Variants in GRIK1 observed in about 807,000 individuals in gnomAD.
The protein encoded by GRIK1 is glutamate ionotropic receptor kainate type subunit 1.
GRIK1 carries 69 observed loss-of-function variants against 105.7 expected under a neutral mutation model. That is an observed-to-expected ratio of 0.65 (90% CI 0.54 to 0.80). The LOEUF (loss-of-function observed/expected upper bound fraction) is 0.80. GRIK1 is among the 30% of genes least tolerant of loss of function. GRIK1 has a pLI of 0.00. For synonymous variants in GRIK1, 438 were observed against 431.3 expected, an observed-to-expected ratio of 1.02 and a Z score of -0.19; for missense variants, 1,109 against 1,167.3, an observed-to-expected ratio of 0.95 and a Z score of 0.73.
intron 1 of GRIK1, among the ~76,000 whole-genome samples, chr21:29,802,806 T>G (rs550897975): frequency 1.3e-5 from 2 of 152,158 alleles, no homozygotes; most frequent in Admixed American, 1.3e-4. Flanking sequence ...ATAAAGTATA[T>G]ACTGACTTGT....
chr21:29,603,597 C>A (rs573782586), intron 7 of GRIK1, among the ~76,000 whole-genome samples: 1 of 152,300 alleles, frequency 6.6e-6, no homozygotes, highest in Admixed American at 6.5e-5. Flanking sequence ...TTGCATTCTC[C>A]TTTTTCTCCC....
At chr21:29,770,701 CATCTAAT>C (rs1320883353) in intron 1 of GRIK1, among the ~76,000 whole-genome samples, 6 of 152,224 alleles carry the variant, frequency 3.9e-5, no homozygotes, top group Non-Finnish European at 2.9e-5. Context: ...TCAACAAGAA[CATCTAAT>C]AAAAATATCT....
At chr21:29,902,805 A>T (rs189068895) in intron 1 of GRIK1, among the ~76,000 whole-genome samples, 2 of 152,328 alleles carry the variant, frequency 1.3e-5, no homozygotes. Context: ...TGGAACCAAA[A>T]AAGGGCCCAC....
intron 12 of GRIK1, 115 bp downstream of exon 12, chr21:29,587,251 A>G (rs2091148411): frequency 1.6e-6 from 1 of 614,386 alleles, no homozygotes; most frequent in Admixed American, 3.0e-5. Flanking sequence ...AGAATAGAAC[A>G]CTAGGCAAAA....
intron 1 of GRIK1, among the ~76,000 whole-genome samples, chr21:29,909,742 C>T (rs2070753549): frequency 6.6e-6 from 1 of 152,132 alleles, no homozygotes; most frequent in Non-Finnish European, 1.5e-5. Flanking sequence ...CAAGAAATCA[C>T]TTTCTGAAAA....
chr21:29,719,408 A>G (rs2064264033), intron 1 of GRIK1, among the ~76,000 whole-genome samples: 1 of 152,138 alleles, frequency 6.6e-6, no homozygotes, highest in Non-Finnish European at 1.5e-5. Flanking sequence ...TTTTCCATCA[A>G]TAAAGTAACT....
chr21:29,773,026 T>A (rs1004487966), intron 1 of GRIK1, among the ~76,000 whole-genome samples: 5 of 152,212 alleles, frequency 3.3e-5, no homozygotes, highest in African/African-American at 9.6e-5. Flanking sequence ...ATGGTGGTGA[T>A]GTTGAGGGAG....
intron 1 of GRIK1, among the ~76,000 whole-genome samples, chr21:29,817,042 C>T (rs577718379): frequency 1.8e-3 from 280 of 152,098 alleles, no homozygotes; most frequent in Admixed American, 4.3e-3. Context: ...ATCAGATGTA[C>T]CCCACCAAAT....
chr21:29,933,962 C>G (rs2071659297), intron 1 of GRIK1, among the ~76,000 whole-genome samples: 1 of 151,810 alleles, frequency 6.6e-6, no homozygotes, highest in Admixed American at 6.6e-5. Context: ...CTCCACTACT[C>G]TTTCCTCTAG....
intron 1 of GRIK1, among the ~76,000 whole-genome samples, chr21:29,812,911 T>C (rs1054865305): frequency 6.6e-6 from 1 of 152,168 alleles, no homozygotes; most frequent in African/African-American, 2.4e-5. Context: ...CAACCGAGTA[T>C]ACAAACATAA....
chr21:29,651,024 A>T, intron 6 of GRIK1, 94 bp downstream of exon 6: 1 of 929,746 alleles, frequency 1.1e-6, no homozygotes, highest in Admixed American at 2.8e-5. Flanking sequence ...CACCCACTGT[A>T]ACACTTTTCT....
intron 1 of GRIK1, among the ~76,000 whole-genome samples, chr21:29,839,946 A>G (rs1356495125): frequency 6.6e-6 from 1 of 152,204 alleles, no homozygotes; most frequent in South Asian, 2.1e-4. Flanking sequence ...CAAGGGCTTG[A>G]ATGACGGCAA....
chr21:29,765,953 G>C (rs544601696), intron 1 of GRIK1, among the ~76,000 whole-genome samples: 1 of 151,698 alleles, frequency 6.6e-6, no homozygotes, highest in African/African-American at 2.4e-5. Context: ...CCGGGTTCAC[G>C]CCATTCTCCT....
At chr21:29,733,503 A>AT (rs565811070) in intron 1 of GRIK1, among the ~76,000 whole-genome samples, 32 of 150,984 alleles carry the variant, frequency 2.1e-4, no homozygotes, top group Non-Finnish European at 3.7e-4. Flanking sequence ...TAATCCCCTA[A>AT]TTTTTTTTTC....
intron 3 of GRIK1, among the ~76,000 whole-genome samples, chr21:29,681,756 T>C (rs1470183690): frequency 2.0e-5 from 3 of 151,088 alleles, no homozygotes; most frequent in African/African-American, 7.3e-5. Flanking sequence ...GTGGGTTCTA[T>C]CTGTTTTATT....
chr21:29,713,776 T>G (rs1181109531), intron 1 of GRIK1, among the ~76,000 whole-genome samples: 1 of 152,194 alleles, frequency 6.6e-6, no homozygotes, highest in Non-Finnish European at 1.5e-5. Context: ...CTGGAACACA[T>G]TGACTAATTT....
chr21:29,693,475 T>C (rs1278023737), intron 2 of GRIK1, among the ~76,000 whole-genome samples: 2 of 152,176 alleles, frequency 1.3e-5, no homozygotes, highest in Admixed American at 1.3e-4. Flanking sequence ...AACTCAGTAG[T>C]TTACAACCTG....
chr21:29,890,317 T>G (rs890122569), intron 1 of GRIK1, among the ~76,000 whole-genome samples: 2 of 152,248 alleles, frequency 1.3e-5, no homozygotes, highest in African/African-American at 4.8e-5. Context: ...GTAAAATAAA[T>G]CAATTTTTCA....
At chr21:29,864,767 T>G (rs2068749960) in intron 1 of GRIK1, among the ~76,000 whole-genome samples, 1 of 152,216 alleles carries the variant, frequency 6.6e-6, no homozygotes, top group African/African-American at 2.4e-5. Flanking sequence ...CCATCAGTTC[T>G]TAAGTATGTG....
Sources: gnomAD v4.1 joint callset for allele counts (sites outside exome capture counted in the v4.1 genomes callset) on GRCh38, gnomAD v4.1.1 for gene constraint, MANE v1.5 for transcripts, NCBI Gene and HGNC (gene_info 2026-07-23, HGNC 2026-07-21) for gene names.